TNS3: variants seen among roughly 807,000 people sequenced by gnomAD.
The protein encoded by TNS3 is tensin 3.
A neutral mutation model predicts 140.9 loss-of-function variants in TNS3; 45 were observed. The observed-to-expected ratio is 0.32, with a 90% CI of 0.25 to 0.41. TNS3 has a LOEUF of 0.41. Among genes scored for constraint, TNS3 ranks in the 10% least tolerant of loss-of-function variants. TNS3 has a pLI of 1.00. For missense variants in TNS3, 1,716 were observed against 1,906.7 expected (o/e 0.90, Z 1.86); for synonymous variants, 815 against 788.4 (o/e 1.03, Z -0.56).
intron 3 of TNS3, among the ~76,000 whole-genome samples, chr7:47,497,798 C>T (rs1164699346): frequency 1.3e-5 from 2 of 152,160 alleles, no homozygotes; most frequent in Non-Finnish European, 2.9e-5. Flanking sequence ...GTCCCCTGCC[C>T]CTCGAGCTAT....
In TNS3 at chr7:47,574,648, C is replaced by CACACA. The variant is rs1554359447; in HGVS notation, c.-265+7402_-265+7403insTGTGT. ...ACAGACACACACACACACACACACA[C>CACACA]CCCCACACACACGGTATTATTCAGC... is the stretch of plus-strand genomic sequence containing the variant. On this transcript the variant is annotated intron_variant, in intron 1 of 30. Transcript: ENST00000311160. Among the ~76,000 whole-genome samples, 21 of 150,686 alleles carry CACACA rather than the reference C, an allele frequency of 1.4e-4. No homozygotes were observed. In the East Asian group the frequency reaches 2.5e-3, roughly 18 times the overall value.
At chr7:47,424,526 C>G (rs1424471204) in intron 9 of TNS3, among the ~76,000 whole-genome samples, 1 of 152,152 alleles carries the variant, frequency 6.6e-6, no homozygotes, top group Non-Finnish European at 1.5e-5. Context: ...GGGCTGGTGT[C>G]CAAAACTGTC....
intron 20 of TNS3, among the ~76,000 whole-genome samples, chr7:47,319,392 TGAGAGAGTGATA>T (rs1326398144): frequency 2.7e-5 from 4 of 147,732 alleles, no homozygotes; most frequent in Non-Finnish European, 6.0e-5. Flanking sequence ...AGAGAGAGAG[TGAGAGAGTGATA>T]GAGAGAGAGA....
intron 1 of TNS3, among the ~76,000 whole-genome samples, chr7:47,560,390 G>A (rs1008133696): frequency 3.9e-5 from 6 of 152,080 alleles, no homozygotes; most frequent in East Asian, 1.9e-4. Flanking sequence ...AATTCCTGTC[G>A]TCTATCAATT....
intron 12 of TNS3, 38 bp downstream of exon 12, chr7:47,413,899 G>A: frequency 6.2e-7 from 1 of 1,612,584 alleles, no homozygotes; most frequent in Non-Finnish European, 8.5e-7. Context: ...GAGCCGTCCA[G>A]GTCCCACAAC....
At chr7:47,555,836 C>T (rs1441397992) in intron 1 of TNS3, among the ~76,000 whole-genome samples, 1 of 152,234 alleles carries the variant, frequency 6.6e-6, no homozygotes, top group African/African-American at 2.4e-5. Flanking sequence ...CTTTTATATG[C>T]ACTGGGAAAC....
intron 2 of TNS3, among the ~76,000 whole-genome samples, chr7:47,528,483 C>T (rs1487143021): frequency 6.6e-6 from 1 of 152,140 alleles, no homozygotes; most frequent in Non-Finnish European, 1.5e-5. Flanking sequence ...CACTGGTCCG[C>T]CAAGCAGCCC....
chr7:47,567,683 C>CAAA (rs57071957), intron 1 of TNS3, among the ~76,000 whole-genome samples: 61 of 84,706 alleles, frequency 7.2e-4, no homozygotes, highest in African/African-American at 9.4e-4. Context: ...GACTCGGTCT[C>CAAA]AAAAAAAAAA....
intron 1 of TNS3, among the ~76,000 whole-genome samples, chr7:47,580,432 G>A (rs922511330): frequency 2.0e-5 from 3 of 152,094 alleles, no homozygotes; most frequent in South Asian, 2.1e-4. Flanking sequence ...CTTTGTCTTC[G>A]GGGTCACCAT....
At chr7:47,398,837 G>C (rs1362168149) in intron 15 of TNS3, among the ~76,000 whole-genome samples, 1 of 152,060 alleles carries the variant, frequency 6.6e-6, no homozygotes, top group Non-Finnish European at 1.5e-5. Flanking sequence ...AATCAGCTAA[G>C]AGAAAGAAAT....
At chr7:47,305,738 G>T (rs1347537410) in intron 20 of TNS3, among the ~76,000 whole-genome samples, 2 of 152,230 alleles carry the variant, frequency 1.3e-5, no homozygotes, top group African/African-American at 4.8e-5. Context: ...TTGCCCAGCA[G>T]CTGCATTATT....
At chr7:47,544,675 C>T (rs1799874193) in intron 1 of TNS3, among the ~76,000 whole-genome samples, 2 of 152,038 alleles carry the variant, frequency 1.3e-5, no homozygotes. Context: ...TAAATAACCA[C>T]AAGCCCAAGT....
chr7:47,283,715 A>G lies in TNS3; in HGVS notation c.4079T>C (p.Leu1360Pro). The G allele has an allele frequency of 6.3e-7, 1 of 1,585,586 alleles. No individual in the cohort carries two copies. Among genetic ancestry groups the G allele is most frequent in the Non-Finnish European group, 8.6e-7 (1 of 1,167,138 alleles). Residue 1360 changes from leucine (L) to proline (P), a missense_variant, in exon 28 of 31, where the codon CTG (leucine) becomes CCG (proline). Around this residue, in one of 3 missense-constraint regions of TNS3, gnomAD observed 216 missense variants for 295.7 expected, o/e 0.73. Coordinates refer to ENST00000311160, the MANE Select transcript of TNS3 (RefSeq NM_022748.12). ...HFKVSAQGIT[L>P]TDNQRKLFFR... ...CACTCACTTCCTCTGATTGTCTGTC[A>G]GGGTGATGCCCTGGGCTGACACCTT...
rs534882091 is a variant in TNS3 at position 47,301,707 on chromosome 7, G to A, written c.3544+479C>T. Among the ~76,000 whole-genome samples the A allele has an allele frequency of 5.3e-5, 8 of 151,508 alleles. No homozygotes were observed. The East Asian group carries it at 5.8e-4, about 11-fold the overall frequency. On this transcript the variant is annotated intron_variant, in intron 23 of 30. Transcript: ENST00000311160. ...TGTCTGGTTTGTGTGTGAGGCATGC[G>A]GCTAAGTCCACAACCGGGTCTCATT...
intron 1 of TNS3, chr7:47,579,858 C>T: frequency 1.0e-6 from 1 of 985,444 alleles, no homozygotes; most frequent in Non-Finnish European, 1.2e-6. Flanking sequence ...CATACTGCCT[C>T]CTCCTCAGGT....
At chr7:47,463,070 A>T (rs562553522) in intron 4 of TNS3, among the ~76,000 whole-genome samples, 7 of 152,290 alleles carry the variant, frequency 4.6e-5, no homozygotes, top group African/African-American at 1.7e-4. Context: ...GATTTGACCA[A>T]CACTGAGCTT....
intron 8 of TNS3, among the ~76,000 whole-genome samples, chr7:47,434,139 T>C (rs1408226030): frequency 6.6e-6 from 1 of 152,080 alleles, no homozygotes; most frequent in Non-Finnish European, 1.5e-5. Flanking sequence ...CATCAAGTGG[T>C]CATCATATGC....
chr7:47,398,064 A>G (rs142111659), intron 15 of TNS3, among the ~76,000 whole-genome samples: 2 of 152,324 alleles, frequency 1.3e-5, no homozygotes, highest in East Asian at 3.9e-4. Flanking sequence ...AACTGAGAGG[A>G]AATTGGTCAA....
intron 28 of TNS3, among the ~76,000 whole-genome samples, chr7:47,283,340 C>T (rs568353789): frequency 6.6e-6 from 1 of 152,304 alleles, no homozygotes; most frequent in East Asian, 1.9e-4. Flanking sequence ...ACAATAGGTT[C>T]CAAGATCATT....
Sources: allele counts gnomAD v4.1 joint callset (sites outside exome capture counted in the v4.1 genomes callset), GRCh38; gene constraint gnomAD v4.1.1; regional missense constraint gnomAD v4.1.1; transcripts MANE v1.5; gene names NCBI Gene and HGNC (gene_info 2026-07-23, HGNC 2026-07-21).